ABL1: variants seen among roughly 807,000 people sequenced by gnomAD.
ABL1 encodes the protein ABL proto-oncogene 1, non-receptor tyrosine kinase, also known as tyrosine-protein kinase ABL1.
A neutral mutation model predicts 94.7 loss-of-function variants in ABL1; 11 were observed. The observed-to-expected ratio is 0.12, with a 90% CI of 0.07 to 0.19. The LOEUF is 0.19. ABL1 is among the 10% of genes least tolerant of loss of function. ABL1 has a pLI of 1.00. For synonymous variants in ABL1, 656 were observed against 622.4 expected (o/e 1.05, Z -0.80); for missense variants, 1,082 against 1,489.4 (o/e 0.73, Z 4.50).
chr9:130,713,104 G>C (rs1362637392), exon 1 of ABL1, among the ~76,000 whole-genome samples: 2 of 152,242 alleles, frequency 1.3e-5, no homozygotes, highest in African/African-American at 4.8e-5. Flanking sequence ...AGCCGGAGCC[G>C]GTTCCCGGGT....
At chr9:130,717,173 G>A (rs1232619491) in intron 1 of ABL1, among the ~76,000 whole-genome samples, 3 of 152,034 alleles carry the variant, frequency 2.0e-5, no homozygotes, top group Non-Finnish European at 2.9e-5. Context: ...CTCCTGAGTA[G>A]CTGGGATTAC....
intron 1 of ABL1, among the ~76,000 whole-genome samples, chr9:130,822,129 T>A (rs1830371268): frequency 6.6e-6 from 1 of 151,846 alleles, no homozygotes; most frequent in Non-Finnish European, 1.5e-5. Context: ...TGAGCCACCA[T>A]GCCTGGCAAA....
Position 130,862,883 on chromosome 9 carries a change from A to G in ABL1, c.670A>G (p.Thr224Ala). ...HYPAPKRNKPTVYGVSPNYDK... is the reference protein window; with the variant it reads ...HYPAPKRNKPAVYGVSPNYDK... ...TCCAGCCCCAAAGCGCAACAAGCCCACTGTCTATGGTGTGTCCCCCAACTA... is the reference window on the plus strand; with the variant it reads ...TCCAGCCCCAAAGCGCAACAAGCCCGCTGTCTATGGTGTGTCCCCCAACTA... Residue 224 changes from threonine to alanine, a missense_variant, in exon 4 of 11, where the codon ACT (threonine) becomes GCT (alanine). This residue lies in a region of ABL1 where 92 missense variants were observed against 212.3 expected (regional missense o/e 0.43). Transcript: ENST00000318560. The surrounding 1 kb of genome is among the most constrained non-coding windows in gnomAD (Gnocchi z 5.5). 6.2e-7 allele frequency: 1 copy of G among 1,614,148 alleles called. No individual in the cohort carries two copies. Among genetic ancestry groups the G allele is most frequent in the Non-Finnish European group, 8.5e-7 (1 of 1,180,024 alleles).
chr9:130,843,663 G>A (rs188239374), intron 1 of ABL1, among the ~76,000 whole-genome samples: 1 of 152,246 alleles, frequency 6.6e-6, no homozygotes, highest in Admixed American at 6.5e-5. Context: ...AGGTGATGGG[G>A]AGGAGGAAGG....
chr9:130,757,596 TG>T (rs567126198), intron 1 of ABL1, among the ~76,000 whole-genome samples: 69 of 138,226 alleles, frequency 5.0e-4, no homozygotes, highest in Non-Finnish European at 8.5e-4. Context: ...TGGAGTGTAG[TG>T]GTGCGATCTC....
chr9:130,797,102 G>A (rs1829984990), intron 1 of ABL1, among the ~76,000 whole-genome samples: 2 of 149,558 alleles, frequency 1.3e-5, no homozygotes, highest in Non-Finnish European at 3.0e-5. Context: ...CAGGCACGGT[G>A]GCAAGCGCCT....
At chr9:130,737,889 G>T (rs558588490) in intron 1 of ABL1, among the ~76,000 whole-genome samples, 12 of 149,924 alleles carry the variant, frequency 8.0e-5, no homozygotes, top group Non-Finnish European at 1.6e-4. Flanking sequence ...GGAGTGCAGT[G>T]GCACAATCTC....
Position 130,885,123 on chromosome 9 carries a change from G to T in ABL1, c.2833G>T (p.Ala945Ser), listed in dbSNP as rs778851184. The T allele has an allele frequency of 1.2e-6, 2 of 1,612,286 alleles. No individual in the cohort carries two copies. Among genetic ancestry groups the T allele is most frequent in the Non-Finnish European group, 1.7e-6 (2 of 1,179,676 alleles). The change falls in exon 11 of 11, where the codon GCT (alanine) becomes TCT (serine). Residue 945 changes from alanine (A) to serine (S), a missense_variant. Around this residue, in one of 7 missense-constraint regions of ABL1, gnomAD observed 780 missense variants for 835.8 expected, o/e 0.93. Transcript: ENST00000318560. ...TSLVDAVNSD[A>S]AKPSQPGEGL... is the part of the protein sequence containing the mutation. ...TCTGGTTGATGCTGTGAACAGTGACGCTGCCAAGCCCAGCCAGCCGGGAGA... is the reference window on the plus strand; with the variant it reads ...TCTGGTTGATGCTGTGAACAGTGACTCTGCCAAGCCCAGCCAGCCGGGAGA...
intron 1 of ABL1, among the ~76,000 whole-genome samples, chr9:130,735,961 A>ATATATTTTTTTTTTT (rs573602038): frequency 7.4e-5 from 7 of 94,846 alleles, no homozygotes; most frequent in African/African-American, 3.8e-4. Context: ...ATATATATAT[A>ATATATTTTTTTTTTT]TTTTTTTTTT....
intron 1 of ABL1, among the ~76,000 whole-genome samples, chr9:130,717,692 G>A (rs1831461439): frequency 6.6e-6 from 1 of 150,764 alleles, no homozygotes; most frequent in Admixed American, 6.6e-5. Flanking sequence ...CATTGGTAGA[G>A]TTTCTTAAAG....
chr9:130,725,837 T>TTTTTTTTG (rs1831576831), intron 1 of ABL1, among the ~76,000 whole-genome samples: 1 of 92,606 alleles, frequency 1.1e-5, no homozygotes, highest in Non-Finnish European at 2.0e-5. Flanking sequence ...TTTTTTTTTT[T>TTTTTTTTG]TTTTTTTTTT....
chr9:130,747,246 C>T (rs1475274299), intron 1 of ABL1, among the ~76,000 whole-genome samples: 1 of 152,086 alleles, frequency 6.6e-6, no homozygotes, highest in Non-Finnish European at 1.5e-5. Flanking sequence ...GGCATGGTGG[C>T]ATGCACCTGT....
chr9:130,881,855 T>TTTTA (rs2133028868), intron 10 of ABL1, among the ~76,000 whole-genome samples: 1 of 150,606 alleles, frequency 6.6e-6, no homozygotes, highest in African/African-American at 2.5e-5. Flanking sequence ...TAAACCTGAG[T>TTTTA]TTTATCACGT....
At chr9:130,795,400 TAA>T (rs1484147125) in intron 1 of ABL1, among the ~76,000 whole-genome samples, 1 of 152,310 alleles carries the variant, frequency 6.6e-6, no homozygotes, top group South Asian at 2.1e-4. Flanking sequence ...CTCTTAATTT[TAA>T]AAGTGTTTTC....
At chr9:130,838,725 T>A (rs1830625322) in intron 1 of ABL1, among the ~76,000 whole-genome samples, 1 of 152,248 alleles carries the variant, frequency 6.6e-6, no homozygotes, top group Non-Finnish European at 1.5e-5. Context: ...CCTGGAGACG[T>A]CAAAGAAAAC....
upstream of ABL1, among the ~76,000 whole-genome samples, chr9:130,832,147 G>A (rs1588257120): frequency 7.3e-6 from 1 of 136,472 alleles, no homozygotes; most frequent in Admixed American, 7.5e-5. Flanking sequence ...TTTTTGAGAT[G>A]GAGTCTCGCT....
intron 1 of ABL1, among the ~76,000 whole-genome samples, chr9:130,719,422 G>A (rs1831487831): frequency 6.6e-6 from 1 of 152,060 alleles, no homozygotes; most frequent in Admixed American, 6.6e-5. Flanking sequence ...CCAGCTACTC[G>A]GGAGGCTGAG....
intron 1 of ABL1, among the ~76,000 whole-genome samples, chr9:130,819,083 A>G (rs568644016): frequency 6.6e-6 from 1 of 152,208 alleles, no homozygotes; most frequent in East Asian, 1.9e-4. Context: ...GCCGGGCGCG[A>G]TGGCTCATGC....
Position 130,854,086 on chromosome 9 carries a change from A to G in ABL1, c.102A>G (p.Ala34=). Residue 34 remains alanine (A), a synonymous_variant, in exon 2 of 11, where the codon GCA becomes GCG. Transcript: ENST00000318560. ...CAGAAGCCCTTCAGCGGCCAGTAGCATCTGACTTTGAGCCTCAGGGTCTGA... is the reference window on the plus strand; with the variant it reads ...CAGAAGCCCTTCAGCGGCCAGTAGCGTCTGACTTTGAGCCTCAGGGTCTGA... The part of the protein sequence containing the change: ...YLEEALQRPV[A]SDFEPQGLSE... 5 of 1,613,788 alleles carry G rather than the reference A, an allele frequency of 3.1e-6. No homozygotes were observed. The Middle Eastern group carries it at 4.9e-4, about 160-fold the overall frequency.
Sources: allele counts gnomAD v4.1 joint callset (sites outside exome capture counted in the v4.1 genomes callset), GRCh38; gene constraint gnomAD v4.1.1; regional missense constraint gnomAD v4.1.1; non-coding constraint Gnocchi (gnomAD v3.1); transcripts MANE v1.5; gene names NCBI Gene and HGNC (gene_info 2026-07-23, HGNC 2026-07-21).